Variants in RSPH4A observed in about 807,000 individuals in gnomAD.
The protein encoded by RSPH4A is radial spoke head protein 4 homolog A.
A neutral mutation model predicts 71.0 loss-of-function variants in RSPH4A; 47 were observed. The ratio of observed to expected loss-of-function variants is 0.66; its 90% confidence interval spans 0.52 to 0.84. The LOEUF (loss-of-function observed/expected upper bound fraction) is 0.84, where lower values mean the gene tolerates loss of function less well. Among genes scored for constraint, RSPH4A ranks in the 40% least tolerant of loss-of-function variants. The pLI is 0.00. For missense variants in RSPH4A, 793 were observed against 855.2 expected (o/e 0.93, Z 0.91); for synonymous variants, 282 against 302.3 (o/e 0.93, Z 0.70).
rs1775820690 is a variant in RSPH4A at position 116,632,393 on chromosome 6, G to A, written c.2103G>A (p.Glu701=). The A allele has an allele frequency of 1.2e-6, 2 of 1,613,906 alleles. No homozygotes were observed. Among genetic ancestry groups the A allele is most frequent in the Non-Finnish European group, 1.7e-6 (2 of 1,179,990 alleles). The stretch of plus-strand genomic sequence containing the variant: ...AAGAAGCAGTTCTACTCGCAGCTGA[G>A]AATGAAGAATCTGAGGAAGATGAAG... ...AAQEAVLLAA[E]NEESEEDEDE... The change falls in exon 6 of 6, where the codon GAG becomes GAA. Residue 701 remains glutamate (E), a synonymous_variant. Coordinates refer to ENST00000229554, the MANE Select transcript of RSPH4A (RefSeq NM_001010892.3).
intron 1 of RSPH4A, among the ~76,000 whole-genome samples, chr6:116,618,659 G>T (rs1465497984): frequency 6.6e-6 from 1 of 152,212 alleles, no homozygotes; most frequent in African/African-American, 2.4e-5. Flanking sequence ...GATTACAGGC[G>T]TAAGCCACTG....
intron 2 of RSPH4A, among the ~76,000 whole-genome samples, chr6:116,626,229 C>T (rs557785500): frequency 6.6e-6 from 1 of 152,302 alleles, no homozygotes; most frequent in African/African-American, 2.4e-5. Context: ...AAGAGCATAT[C>T]ATTTGTAAGA....
chr6:116,624,779 T>G (rs541369680), intron 2 of RSPH4A, among the ~76,000 whole-genome samples: 2 of 152,234 alleles, frequency 1.3e-5, no homozygotes, highest in African/African-American at 4.8e-5. Flanking sequence ...CAGCATTCAT[T>G]TATTCATTCA....
intron 2 of RSPH4A, among the ~76,000 whole-genome samples, chr6:116,626,650 G>A (rs543276746): frequency 6.6e-6 from 1 of 152,142 alleles, no homozygotes; most frequent in South Asian, 2.1e-4. Flanking sequence ...CTTCACAAAT[G>A]TGTTTCTATG....
chr6:116,623,549 T>C (rs1775647602), intron 2 of RSPH4A, among the ~76,000 whole-genome samples: 1 of 152,224 alleles, frequency 6.6e-6, no homozygotes, highest in Non-Finnish European at 1.5e-5. Flanking sequence ...GTTATATGTT[T>C]GTATGCTAAG....
At position 116,617,239 on chromosome 6, in the gene RSPH4A, A is replaced by G. The variant is rs1179155045; in HGVS notation, c.616A>G (p.Met206Val). ...APGGSEVAPS[M>V]LEITIQNAKA... ...TGGGGGCTCTGAAGTGGCCCCCAGC[A>G]TGCTTGAGATCACCATTCAGAATGC... Residue 206 changes from methionine to valine, a missense_variant, in exon 1 of 6, where the codon ATG becomes GTG. Transcript: ENST00000229554. 6.2e-7 allele frequency: 1 copy of G among 1,613,992 alleles called. No individual in the cohort carries two copies. Among genetic ancestry groups the G allele is most frequent in the Non-Finnish European group, 8.5e-7 (1 of 1,180,002 alleles).
rs908062409 is a variant in RSPH4A at position 116,616,798 on chromosome 6, C to G, written c.175C>G (p.Arg59Gly). The G allele has an allele frequency of 6.2e-7, 1 of 1,614,012 alleles. No individual in the cohort carries two copies. The highest frequency in any genetic ancestry group is 1.3e-5 in the African/African-American group (1 of 74,916). ...PETGRQSRSS[R>G]PWSPQSRAKT... ...AACTGGACGCCAGTCCCGAAGCAGC[C>G]GTCCTTGGAGCCCGCAGTCTAGAGC... Residue 59 changes from arginine to glycine, a missense_variant, in exon 1 of 6, where the codon CGT becomes GGT. By Grantham distance (125) the Arg-to-Gly change is moderately radical (BLOSUM62 -2). Coordinates refer to ENST00000229554, the MANE Select transcript of RSPH4A (RefSeq NM_001010892.3).
rs1775509503 is a variant in RSPH4A, at chr6:116,616,747, C to T, written c.124C>T (p.Pro42Ser). ...ATATTCTGAGCCTGAGTCGTCTGAG[C>T]CCTTGGAGGCGAAGCAGGGGCCAGA... Reference protein sequence around the residue: ...PQYSEPESSEPLEAKQGPETG... With the variant: ...PQYSEPESSESLEAKQGPETG... The change falls in exon 1 of 6, where the codon CCC becomes TCC. Residue 42 changes from proline (P) to serine (S), a missense_variant. Pro to Ser is a moderately conservative substitution (Grantham distance 74). Transcript: ENST00000229554. 6.2e-7 allele frequency: 1 copy of T among 1,614,144 alleles called. No individual in the cohort carries two copies. The highest frequency in any genetic ancestry group is 8.5e-7 in the Non-Finnish European group (1 of 1,180,018).
At chr6:116,630,199 T>C (rs1275687802) in intron 4 of RSPH4A, among the ~76,000 whole-genome samples, 2 of 152,196 alleles carry the variant, frequency 1.3e-5, no homozygotes. Flanking sequence ...TTAATAAAAC[T>C]TCTTGTCTTG....
intron 1 of RSPH4A, among the ~76,000 whole-genome samples, chr6:116,621,892 A>G (rs1490063136): frequency 1.3e-5 from 2 of 152,202 alleles, no homozygotes; most frequent in African/African-American, 2.4e-5. Flanking sequence ...ACAGGACACA[A>G]GGATACTTTG....
chr6:116,621,607 G>A (rs1016796739), intron 1 of RSPH4A, among the ~76,000 whole-genome samples: 1 of 152,184 alleles, frequency 6.6e-6, no homozygotes, highest in Non-Finnish European at 1.5e-5. Context: ...AACTGGGGAA[G>A]GATGATTTTG....
chr6:116,627,885 ATGGAGAAAG>A lies in RSPH4A; in HGVS notation c.1181_1189del (p.Gly394_Ser396del). The A allele has an allele frequency of 2.5e-6, 4 of 1,613,604 alleles. No individual in the cohort carries two copies. The highest frequency in any genetic ancestry group is 3.4e-6 in the Non-Finnish European group (4 of 1,179,552). On this transcript the variant is annotated inframe_deletion, in exon 3 of 6. Coordinates refer to ENST00000229554, the MANE Select transcript of RSPH4A (RefSeq NM_001010892.3). The stretch of plus-strand genomic sequence containing the variant: ...GAAGATGTAGCTGAAGAGAGGGACA[ATGGAGAAAG>A]TGAAGCTCATGAAGATGAGGAAGAT...
At position 116,617,229 on chromosome 6, in the gene RSPH4A, G is replaced by A; in HGVS notation, c.606G>A (p.Val202=). Residue 202 remains valine (V), a synonymous_variant, in exon 1 of 6, where the codon GTG becomes GTA. Transcript: ENST00000229554. ...AGCCGGCGCCTGGGGGCTCTGAAGT[G>A]GCCCCCAGCATGCTTGAGATCACCA... ...LQQPAPGGSE[V]APSMLEITIQ... is the part of the protein sequence containing the mutation. 6.2e-7 allele frequency: 1 copy of A among 1,613,954 alleles called. No individual in the cohort carries two copies. The highest frequency in any genetic ancestry group is 1.1e-5 in the South Asian group (1 of 91,078).
At chr6:116,626,472 G>C (rs1775695615) in intron 2 of RSPH4A, among the ~76,000 whole-genome samples, 1 of 152,066 alleles carries the variant, frequency 6.6e-6, no homozygotes, top group African/African-American at 2.4e-5. Context: ...CTCCCGAGTA[G>C]CTGGGACTAC....
In RSPH4A at chr6:116,632,414, T is replaced by C. The variant is rs776758338; in HGVS notation, c.2124T>C (p.Asp708=). The C allele has an allele frequency of 1.9e-5, 30 of 1,613,504 alleles. 1 individual carries two copies. Among genetic ancestry groups the C allele is most frequent in the Non-Finnish European group, 2.4e-5 (28 of 1,179,806 alleles). ...CTGAGAATGAAGAATCTGAGGAAGA[T>C]GAAGATGAGGAAGATGATTATGACT... ...LAAENEESEE[D]EDEEDDYD The change falls in exon 6 of 6, where the codon GAT becomes GAC. Residue 708 remains aspartate, a synonymous_variant. Coordinates refer to ENST00000229554, the MANE Select transcript of RSPH4A (RefSeq NM_001010892.3).
At chr6:116,622,495 A>G (rs531069842) in intron 1 of RSPH4A, among the ~76,000 whole-genome samples, 1 of 152,312 alleles carries the variant, frequency 6.6e-6, no homozygotes, top group South Asian at 2.1e-4. Flanking sequence ...AGGATAAGTT[A>G]TTTCTGGCAT....
Position 116,616,971 on chromosome 6 carries a change from G to C in RSPH4A, c.348G>C (p.Val116=), listed in dbSNP as rs1775516747. 6.2e-7 allele frequency: 1 copy of C among 1,614,116 alleles called. No homozygotes were observed. The highest frequency in any genetic ancestry group is 1.7e-5 in the Admixed American group (1 of 60,014). ...CTCAGTCGGACAGGACCACGAGTGT[G>C]ATTCCTGAAGCTGGGACACCTTATC... ...APPQSDRTTS[V]IPEAGTPYPD... Residue 116 remains valine (V), a synonymous_variant, in exon 1 of 6, where the codon GTG becomes GTC. Coordinates refer to ENST00000229554, the MANE Select transcript of RSPH4A (RefSeq NM_001010892.3).
At chr6:116,620,373 A>G (rs7738826) in intron 1 of RSPH4A, among the ~76,000 whole-genome samples, 54,574 of 152,012 alleles carry the variant, frequency 0.36, 10,463 homozygotes, top group African/African-American at 0.5. Context: ...TTTAGTGCCT[A>G]CAGTTTAAAA....
chr6:116,616,664 A>G lies in RSPH4A; in HGVS notation c.41A>G (p.Gln14Arg), dbSNP rs754824302. Residue 14 changes from glutamine to arginine, a missense_variant, in exon 1 of 6, where the codon CAA (glutamine) becomes CGA (arginine). Transcript: ENST00000229554. ...STSPKQEKEN[Q>R]EELGETRRPW... Reference sequence around the variant, plus strand: ...TCCCCGAAGCAAGAAAAAGAAAACCAAGAAGAACTAGGGGAAACAAGGCGG... The same window carrying G: ...TCCCCGAAGCAAGAAAAAGAAAACCGAGAAGAACTAGGGGAAACAAGGCGG... 6.2e-7 allele frequency: 1 copy of G among 1,614,070 alleles called. No individual in the cohort carries two copies. Among genetic ancestry groups the G allele is most frequent in the East Asian group, 2.2e-5 (1 of 44,858 alleles).
Sources: gnomAD v4.1 joint callset for allele counts (sites outside exome capture counted in the v4.1 genomes callset) on GRCh38, gnomAD v4.1.1 for gene constraint, MANE v1.5 for transcripts, NCBI Gene and HGNC (gene_info 2026-07-23, HGNC 2026-07-21) for gene names.